The following STK33 variants were observed in gnomAD, a reference collection of about 807,000 sequenced individuals.
STK33 encodes the protein serine/threonine kinase 33, also known as serine/threonine-protein kinase 33.
In STK33, 52 loss-of-function variants were observed where a neutral mutation model predicts 58.0. The observed-to-expected ratio is 0.90, with a 90% CI of 0.72 to 1.13. The LOEUF (loss-of-function observed/expected upper bound fraction) is 1.13. Among genes scored for constraint, STK33 ranks in the 50% most tolerant of loss-of-function variants. The pLI is 0.00. For missense variants in STK33, 630 were observed against 604.2 expected, an observed-to-expected ratio of 1.04 and a Z score of -0.45; for synonymous variants, 215 against 200.1, an observed-to-expected ratio of 1.07 and a Z score of -0.63.
chr11:8,493,678 C>T (rs996919984), intron 1 of STK33, among the ~76,000 whole-genome samples: 6 of 152,266 alleles, frequency 3.9e-5, no homozygotes, highest in Middle Eastern at 3.4e-3. Flanking sequence ...CCCTGATGAA[C>T]ATCAATGCTA....
chr11:8,435,877 T>C, intron 13 of STK33, 150 bp downstream of exon 13: 1 of 483,970 alleles, frequency 2.1e-6, no homozygotes, highest in Non-Finnish European at 3.5e-6. Context: ...ACAATCACAG[T>C]GAAGATATCG....
At chr11:8,354,793 C>T in the STK33 span, among the ~76,000 whole-genome samples, 16 of 152,334 alleles carry the variant, frequency 1.1e-4, no homozygotes, top group African/African-American at 3.6e-4. Context: ...GGCAAGCCCA[C>T]ATCAATTAGG....
chr11:8,446,515 T>C (rs560545518), intron 11 of STK33, among the ~76,000 whole-genome samples: 5 of 151,974 alleles, frequency 3.3e-5, no homozygotes, highest in Non-Finnish European at 5.9e-5. Context: ...GCCAAGACAA[T>C]CCTAAGCAAA....
At chr11:8,576,892 G>A (rs1958224266) in intron 1 of STK33, among the ~76,000 whole-genome samples, 1 of 152,116 alleles carries the variant, frequency 6.6e-6, no homozygotes, top group African/African-American at 2.4e-5. Flanking sequence ...AAGACTACTG[G>A]ATGACTTTAA....
chr11:8,428,353 G>A (rs1016528257), intron 14 of STK33, among the ~76,000 whole-genome samples: 1 of 152,172 alleles, frequency 6.6e-6, no homozygotes, highest in Non-Finnish European at 1.5e-5. Context: ...AGGAAAAACC[G>A]GGTTGTTTTG....
the STK33 span, among the ~76,000 whole-genome samples, chr11:8,339,555 C>G: frequency 1.3e-5 from 2 of 152,208 alleles, no homozygotes; most frequent in Non-Finnish European, 2.9e-5. Context: ...TTAGAGGGTG[C>G]AGGGCGGCGC....
intron 15 of STK33, among the ~76,000 whole-genome samples, chr11:8,410,853 T>C (rs1309805708): frequency 1.3e-5 from 2 of 152,208 alleles, no homozygotes; most frequent in Non-Finnish European, 2.9e-5. Context: ...AGTTTCTCCA[T>C]TACAAAGCAA....
At chr11:8,469,298 T>A (rs1948545051) in intron 6 of STK33, among the ~76,000 whole-genome samples, 1 of 152,244 alleles carries the variant, frequency 6.6e-6, no homozygotes, top group Admixed American at 6.5e-5. Context: ...ATTTCAAAAA[T>A]ATTCACAGCA....
At chr11:8,547,673 T>C (rs1338265298) in intron 1 of STK33, among the ~76,000 whole-genome samples, 1 of 152,232 alleles carries the variant, frequency 6.6e-6, no homozygotes. Context: ...ATTCTGTAGG[T>C]TGTTGCTTCA....
At chr11:8,516,690 G>A (rs1056706587) in intron 1 of STK33, among the ~76,000 whole-genome samples, 13 of 152,206 alleles carry the variant, frequency 8.5e-5, no homozygotes, top group South Asian at 6.2e-4. Flanking sequence ...ATTATATCCC[G>A]TGCCTGGCTT....
chr11:8,392,482 T>G lies in STK33; in HGVS notation c.*28A>C, dbSNP rs746254448. ...AAGTGCTAACAAGAGCAGCTTTGTTTTTGTACTGTCCAACACTGGAGGGAA... is the reference window on the plus strand; with the variant it reads ...AAGTGCTAACAAGAGCAGCTTTGTTGTTGTACTGTCCAACACTGGAGGGAA... On this transcript the variant is annotated 3_prime_UTR_variant, in exon 16 of 16. Coordinates refer to ENST00000687296, the MANE Select transcript of STK33 (RefSeq NM_001352389.2). 4 of 1,612,950 alleles carry G rather than the reference T, an allele frequency of 2.5e-6. No individual in the cohort carries two copies. Among genetic ancestry groups the G allele is most frequent in the Non-Finnish European group, 2.5e-6 (3 of 1,179,724 alleles).
At chr11:8,405,979 A>G (rs1361586942) in intron 15 of STK33, among the ~76,000 whole-genome samples, 1 of 151,884 alleles carries the variant, frequency 6.6e-6, no homozygotes, top group Non-Finnish European at 1.5e-5. Flanking sequence ...CATCTCTACT[A>G]AAAATACAAA....
At chr11:8,364,306 C>A in the STK33 span, among the ~76,000 whole-genome samples, 7 of 152,220 alleles carry the variant, frequency 4.6e-5, no homozygotes, top group Admixed American at 4.6e-4. Flanking sequence ...ATTTTCATTT[C>A]TTTGTTGCAA....
At chr11:8,484,781 G>A (rs747561495) in intron 1 of STK33, among the ~76,000 whole-genome samples, 2 of 152,162 alleles carry the variant, frequency 1.3e-5, no homozygotes, top group Non-Finnish European at 2.9e-5. Context: ...TATTTGGTGA[G>A]TTTTTGAAAC....
chr11:8,512,470 A>T (rs749292153), intron 1 of STK33, among the ~76,000 whole-genome samples: 1 of 152,200 alleles, frequency 6.6e-6, no homozygotes, highest in East Asian at 1.9e-4. Context: ...TGAAGAGTCC[A>T]TAAAGGGATT....
chr11:8,476,536 G>A (rs958822910), intron 4 of STK33, among the ~76,000 whole-genome samples, 151 bp downstream of exon 4: 2 of 152,046 alleles, frequency 1.3e-5, no homozygotes, highest in African/African-American at 4.8e-5. Context: ...CCTTCTCAAG[G>A]CTTTGCCCTT....
chr11:8,576,200 A>G (rs1030237937), intron 1 of STK33, among the ~76,000 whole-genome samples: 2 of 152,176 alleles, frequency 1.3e-5, no homozygotes, highest in African/African-American at 4.8e-5. Flanking sequence ...CCTAATCCTC[A>G]TGACTCTCTC....
At chr11:8,340,509 T>G in the STK33 span, among the ~76,000 whole-genome samples, 2 of 152,152 alleles carry the variant, frequency 1.3e-5, no homozygotes, top group Non-Finnish European at 2.9e-5. Context: ...ACACTAGAGG[T>G]GGACTCTTGA....
At position 8,456,435 on chromosome 11, in the gene STK33, A is replaced by G. The variant is rs563553253; in HGVS notation, c.697+906T>C. On this transcript the variant is annotated intron_variant, in intron 9 of 15. Coordinates refer to ENST00000687296, the MANE Select transcript of STK33 (RefSeq NM_001352389.2). Reference sequence around the variant, plus strand: ...CAATAATCAATCTCCCACCAGCCCAAGTTCCTTGGAGAGCAGGGGCCTTGT... The same window carrying G: ...CAATAATCAATCTCCCACCAGCCCAGGTTCCTTGGAGAGCAGGGGCCTTGT... Among the ~76,000 whole-genome samples, 12 of 152,368 alleles carry G rather than the reference A, an allele frequency of 7.9e-5. No individual in the cohort carries two copies. The South Asian group carries it at 2.5e-3, about 32-fold the overall frequency.
Sources: allele counts gnomAD v4.1 joint callset (sites outside exome capture counted in the v4.1 genomes callset), GRCh38; gene constraint gnomAD v4.1.1; transcripts MANE v1.5; gene names NCBI Gene and HGNC (gene_info 2026-07-23, HGNC 2026-07-21).